Variants in EIF4G3 observed in about 807,000 individuals in gnomAD.
The protein encoded by EIF4G3 is eukaryotic translation initiation factor 4 gamma 3, also known as eIF-4-gamma 3.
Under a neutral mutation model 186.4 loss-of-function variants are expected in EIF4G3, and 34 were observed. The ratio of observed to expected loss-of-function variants is 0.18; its 90% confidence interval spans 0.14 to 0.24. EIF4G3 has a LOEUF of 0.24. EIF4G3 is among the 10% of genes least tolerant of loss of function. EIF4G3 has a pLI of 1.00. For missense variants in EIF4G3, 1,536 were observed against 1,948.5 expected (o/e 0.79, Z 3.99); for synonymous variants, 673 against 679.5 (o/e 0.99, Z 0.15).
chr1:20,974,918 G>A (rs1293971648), intron 10 of EIF4G3, among the ~76,000 whole-genome samples: 1 of 152,108 alleles, frequency 6.6e-6, no homozygotes, highest in Non-Finnish European at 1.5e-5. Context: ...GTTCACACAG[G>A]TAAAATCCTT....
chr1:21,145,077 G>C (rs993158851), intron 2 of EIF4G3, among the ~76,000 whole-genome samples: 6 of 151,802 alleles, frequency 4.0e-5, no homozygotes, highest in African/African-American at 1.5e-4. Flanking sequence ...CAGGAGTTAA[G>C]AGACCAGCCT....
intron 17 of EIF4G3, among the ~76,000 whole-genome samples, chr1:20,893,878 G>A (rs910625407): frequency 1.3e-5 from 2 of 148,472 alleles, no homozygotes; most frequent in African/African-American, 2.5e-5. Context: ...CCAAGTAGGG[G>A]CTATACATAA....
rs771642315 is a variant in EIF4G3 at position 20,904,867 on chromosome 1, T to G, written c.1752+16A>C. On this transcript the variant is annotated intron_variant, in intron 15 of 36. Coordinates refer to ENST00000602326, the MANE Select transcript of EIF4G3 (RefSeq NM_001391906.1). The stretch of plus-strand genomic sequence containing the variant: ...GGCACCACTGCTCTGAATATGAACT[T>G]AAGAGATTTGCTTACCTCCAATTCT... 1.7e-5 allele frequency: 27 copies of G among 1,604,082 alleles called. No homozygotes were observed. Among genetic ancestry groups the G allele is most frequent in the Non-Finnish European group, 2.1e-5 (25 of 1,171,462 alleles).
intron 2 of EIF4G3, among the ~76,000 whole-genome samples, chr1:21,104,370 T>A (rs965892974): frequency 2.0e-5 from 3 of 151,974 alleles, no homozygotes; most frequent in Non-Finnish European, 2.9e-5. Flanking sequence ...AGTAAACAAA[T>A]GAGACAATTA....
chr1:20,988,558 TAAC>T (rs2080137157), intron 7 of EIF4G3: 1 of 153,004 alleles, frequency 6.5e-6, no homozygotes, highest in Admixed American at 6.5e-5. Context: ...ATAAATAAAA[TAAC>T]AAAGCCAGAA....
At chr1:20,914,055 G>A (rs146645209) in intron 14 of EIF4G3, among the ~76,000 whole-genome samples, 23,538 of 151,172 alleles carry the variant, frequency 0.16, 2,394 homozygotes, top group Non-Finnish European at 0.21. Flanking sequence ...TGATCTGCCC[G>A]CCTCGGCCTC....
intron 2 of EIF4G3, among the ~76,000 whole-genome samples, chr1:21,141,748 G>A (rs2097343489): frequency 2.0e-5 from 3 of 152,172 alleles, no homozygotes; most frequent in Admixed American, 6.5e-5. Flanking sequence ...GGACAACATA[G>A]TGAGACCCTG....
chr1:20,813,012 G>A (rs1219383991), intron 35 of EIF4G3, 146 bp downstream of exon 35: 1 of 581,332 alleles, frequency 1.7e-6, no homozygotes, highest in African/African-American at 1.9e-5. Context: ...GAGACAACCA[G>A]GCATCACAGA....
At chr1:21,016,186 A>T (rs2154570363) in intron 4 of EIF4G3, among the ~76,000 whole-genome samples, 1 of 152,328 alleles carries the variant, frequency 6.6e-6, no homozygotes, top group Non-Finnish European at 1.5e-5. Flanking sequence ...CGGTTTTTGT[A>T]ACCAACTGAT....
At chr1:20,995,156 T>C (rs898332328) in intron 7 of EIF4G3, among the ~76,000 whole-genome samples, 4 of 152,154 alleles carry the variant, frequency 2.6e-5, no homozygotes, top group Non-Finnish European at 5.9e-5. Context: ...CTCATAAAAG[T>C]TTTCTTAGAG....
intron 34 of EIF4G3, among the ~76,000 whole-genome samples, 159 bp from the exon 35 acceptor site, chr1:20,813,398 TAAAAAAAAAAA>T (rs11303095): frequency 1.2e-5 from 1 of 81,824 alleles, no homozygotes; most frequent in Admixed American, 1.6e-4. Context: ...CCCTATCTCT[TAAAAAAAAAAA>T]AAAAAAAAAA....
chr1:21,009,504 T>C (rs190981313), intron 4 of EIF4G3, among the ~76,000 whole-genome samples: 23 of 151,586 alleles, frequency 1.5e-4, no homozygotes, highest in Non-Finnish European at 3.4e-4. Context: ...TTAGTAGATA[T>C]TATAGGGTAC....
intron 3 of EIF4G3, among the ~76,000 whole-genome samples, chr1:21,077,223 C>G (rs1194892635): frequency 6.6e-6 from 1 of 151,760 alleles, no homozygotes; most frequent in African/African-American, 2.4e-5. Context: ...ATAGTGTGAC[C>G]CCATAGCTAC....
intron 4 of EIF4G3, among the ~76,000 whole-genome samples, chr1:21,033,502 A>G (rs1176452971): frequency 1.3e-5 from 2 of 152,190 alleles, no homozygotes; most frequent in South Asian, 2.1e-4. Context: ...AACAAAAGAC[A>G]GGCAAGGAAC....
At chr1:20,811,593 T>C (rs1252379959) in intron 35 of EIF4G3, among the ~76,000 whole-genome samples, 1 of 152,112 alleles carries the variant, frequency 6.6e-6, no homozygotes, top group African/African-American at 2.4e-5. Context: ...CCCTCAGGAG[T>C]AGCGTACCCA....
At chr1:21,064,735 C>A (rs184133523) in intron 3 of EIF4G3, 12 of 152,272 alleles carry the variant, frequency 7.9e-5, no homozygotes, top group African/African-American at 2.9e-4. Context: ...ACAGTCTACA[C>A]AAGCATAACA....
At chr1:21,029,099 C>T (rs755858121) in intron 4 of EIF4G3, among the ~76,000 whole-genome samples, 1 of 151,950 alleles carries the variant, frequency 6.6e-6, no homozygotes, top group African/African-American at 2.4e-5. Context: ...CTCACTGCAA[C>T]CTCCACCCCC....
rs1558363073 is a variant in EIF4G3, at chr1:20,943,972, T to TGTGTGTGTGTG, written c.824-1643_824-1642insCACACACACAC. Among the ~76,000 whole-genome samples, 57 of 44,838 alleles carry TGTGTGTGTGTG rather than the reference T, an allele frequency of 1.3e-3. 10 individuals carry two copies. The highest frequency in any genetic ancestry group is 3.7e-3 in the East Asian group (8 of 2,144). 29.4% of individuals were successfully genotyped at this position (44,838 alleles called of 152,430 possible). ...TTTCAGGAAAACTTGTCTTTATTTT[T>TGTGTGTGTGTG]TTTGTGTGTGTGTGTGTGTGTGTGT... On this transcript the variant is annotated intron_variant, in intron 13 of 36. Transcript: ENST00000602326.
chr1:21,081,548 G>A (rs1321552886), intron 3 of EIF4G3, among the ~76,000 whole-genome samples: 2 of 151,692 alleles, frequency 1.3e-5, no homozygotes, highest in Non-Finnish European at 2.9e-5. Context: ...ATGTTCCCAG[G>A]GCAAACTTAC....
Sources: gnomAD v4.1 joint callset for allele counts (sites outside exome capture counted in the v4.1 genomes callset) on GRCh38, gnomAD v4.1.1 for gene constraint, MANE v1.5 for transcripts, NCBI Gene and HGNC (gene_info 2026-07-23, HGNC 2026-07-21) for gene names.